The following PCCB variants were observed in gnomAD, a reference collection of about 807,000 sequenced individuals.
The protein encoded by PCCB is propionyl-CoA carboxylase subunit beta, also known as propionyl-CoA carboxylase beta chain, mitochondrial.
Under a neutral mutation model 60.7 loss-of-function variants are expected in PCCB, and 43 were observed. The ratio of observed to expected loss-of-function variants is 0.71; its 90% CI spans 0.55 to 0.91. PCCB has a LOEUF of 0.91. Among genes scored for constraint, PCCB ranks in the 40% least tolerant of loss-of-function variants. PCCB has a pLI of 0.00. For synonymous variants in PCCB, 276 were observed against 255.9 expected, an observed-to-expected ratio of 1.08 and a Z score of -0.75; for missense variants, 766 against 702.8, an observed-to-expected ratio of 1.09 and a Z score of -1.02.
chr3:136,281,040 A>G (rs1004890951), intron 5 of PCCB, among the ~76,000 whole-genome samples: 6 of 152,120 alleles, frequency 3.9e-5, no homozygotes, highest in East Asian at 1.9e-4. Context: ...AGTTGCTTCT[A>G]TCTTGCTGCT....
intron 6 of PCCB, 37 bp from the exon 7 acceptor site, chr3:136,293,719 C>T: frequency 7.7e-7 from 1 of 1,290,922 alleles, no homozygotes; most frequent in Non-Finnish European, 1.1e-6. Flanking sequence ...AGCTCTGGTG[C>T]TCTGAGGTTG....
At chr3:136,308,132 A>G (rs1402056992) in intron 9 of PCCB, among the ~76,000 whole-genome samples, 1 of 152,140 alleles carries the variant, frequency 6.6e-6, no homozygotes, top group African/African-American at 2.4e-5. Flanking sequence ...AAAATAAGGA[A>G]TGGGCAGAAA....
intron 5 of PCCB, among the ~76,000 whole-genome samples, chr3:136,278,279 C>T (rs1942384335): frequency 6.6e-6 from 1 of 152,186 alleles, no homozygotes; most frequent in South Asian, 2.1e-4. Flanking sequence ...CTCTATCTCA[C>T]ACTCTGGAGA....
chr3:136,250,625 T>C (rs1488493262), intron 1 of PCCB, 67 bp downstream of exon 1: 45 of 1,493,384 alleles, frequency 3.0e-5, no homozygotes, highest in Non-Finnish European at 4.0e-5. Context: ...CGTGCCCGGC[T>C]TGCGGCGTCC....
At chr3:136,316,712 T>C (rs972900963) in intron 9 of PCCB, among the ~76,000 whole-genome samples, 1 of 152,126 alleles carries the variant, frequency 6.6e-6, no homozygotes, top group Non-Finnish European at 1.5e-5. Flanking sequence ...ACAAACTTCA[T>C]TGGTGTGTCC....
intron 6 of PCCB, among the ~76,000 whole-genome samples, chr3:136,286,707 T>C (rs1933427302): frequency 6.6e-6 from 1 of 152,156 alleles, no homozygotes; most frequent in Non-Finnish European, 1.5e-5. Flanking sequence ...AGCACATCAT[T>C]TCCCACCTGA....
At chr3:136,293,971 T>C in intron 7 of PCCB, 107 bp downstream of exon 7, 1 of 734,948 alleles carries the variant, frequency 1.4e-6, no homozygotes, top group Non-Finnish European at 2.5e-6. Flanking sequence ...TGGCAGACCT[T>C]ATTTGGGAAG....
chr3:136,258,115 A>G (rs1277752418), intron 3 of PCCB, among the ~76,000 whole-genome samples: 1 of 152,160 alleles, frequency 6.6e-6, no homozygotes, highest in African/African-American at 2.4e-5. Flanking sequence ...AAAAACTTGT[A>G]CAGAAGGAAC....
intron 7 of PCCB, among the ~76,000 whole-genome samples, chr3:136,296,372 T>C (rs544573573): frequency 5.1e-4 from 77 of 152,354 alleles, no homozygotes; most frequent in Non-Finnish European, 3.2e-4. Flanking sequence ...ATGTGATCTT[T>C]TGTAACTGGT....
intron 6 of PCCB, among the ~76,000 whole-genome samples, chr3:136,284,864 A>G (rs1258099972): frequency 6.6e-6 from 1 of 152,114 alleles, no homozygotes; most frequent in Non-Finnish European, 1.5e-5. Flanking sequence ...ATTCAGGTGG[A>G]TCACTTGAGC....
In PCCB at chr3:136,327,644, G is replaced by A; in HGVS notation, c.1310G>A (p.Gly437Asp). 1.2e-6 allele frequency: 2 copies of A among 1,613,118 alleles called. No individual in the cohort carries two copies. Among genetic ancestry groups the A allele is most frequent in the Non-Finnish European group, 1.7e-6 (2 of 1,179,104 alleles). ...VTVITRKAYG[G>D]AYDVMSSKHL... ...TTGGATCTGTTTTAGGCCTATGGAGGTGCCTATGATGTCATGAGCTCTAAG... is the reference window on the plus strand; with the variant it reads ...TTGGATCTGTTTTAGGCCTATGGAGATGCCTATGATGTCATGAGCTCTAAG... Residue 437 changes from glycine to aspartate, a missense_variant, in exon 13 of 15, where the codon GGT (glycine) becomes GAT (aspartate). Gly to Asp is a moderately conservative substitution (Grantham distance 94). Transcript: ENST00000251654.
intron 9 of PCCB, among the ~76,000 whole-genome samples, chr3:136,311,280 CCT>C (rs1934657494): frequency 6.6e-6 from 1 of 152,082 alleles, no homozygotes; most frequent in Non-Finnish European, 1.5e-5. Context: ...AGAGTAAAAG[CCT>C]CTCTTACATA....
intron 5 of PCCB, among the ~76,000 whole-genome samples, chr3:136,273,180 C>G (rs1942244790): frequency 6.6e-6 from 1 of 151,858 alleles, no homozygotes; most frequent in Admixed American, 6.6e-5. Context: ...TGAGAAGATA[C>G]TTGATATGAT....
intron 5 of PCCB, among the ~76,000 whole-genome samples, chr3:136,277,704 A>T (rs1291475263): frequency 6.6e-6 from 1 of 152,260 alleles, no homozygotes; most frequent in Admixed American, 6.5e-5. Context: ...GGGGAGTAAC[A>T]GGTGGCACTA....
intron 9 of PCCB, among the ~76,000 whole-genome samples, chr3:136,315,482 G>A (rs562763294): frequency 2.4e-4 from 37 of 152,144 alleles, no homozygotes; most frequent in Middle Eastern, 3.4e-3. Context: ...AGCCGAGATC[G>A]TGCCACTGCA....
intron 6 of PCCB, among the ~76,000 whole-genome samples, chr3:136,291,233 G>T (rs936512409): frequency 2.0e-5 from 3 of 152,026 alleles, no homozygotes; most frequent in African/African-American, 7.2e-5. Context: ...TCAGCCTCCT[G>T]AGTACCCAAG....
chr3:136,311,911 C>T (rs960261340), intron 9 of PCCB, among the ~76,000 whole-genome samples: 7 of 151,988 alleles, frequency 4.6e-5, no homozygotes, highest in African/African-American at 1.7e-4. Context: ...AAGGCAATCC[C>T]AATAAACAGT....
chr3:136,301,453 T>C (rs3732520), intron 9 of PCCB, among the ~76,000 whole-genome samples: 1,902 of 152,104 alleles, frequency 0.013, 31 homozygotes, highest in East Asian at 0.047. Flanking sequence ...TTAAGTATCA[T>C]TGGGGCCCTC....
At chr3:136,311,171 C>T (rs1934652692) in intron 9 of PCCB, among the ~76,000 whole-genome samples, 1 of 152,078 alleles carries the variant, frequency 6.6e-6, no homozygotes, top group Non-Finnish European at 1.5e-5. Context: ...CAAGAAAACT[C>T]TAGAGAATGC....
Sources: gnomAD v4.1 joint callset for allele counts (sites outside exome capture counted in the v4.1 genomes callset) on GRCh38, gnomAD v4.1.1 for gene constraint, MANE v1.5 for transcripts, NCBI Gene and HGNC (gene_info 2026-07-23, HGNC 2026-07-21) for gene names.